Variants in TEX11 observed in about 807,000 individuals in gnomAD.
TEX11 encodes testis expressed 11.
Under a neutral mutation model 84.4 loss-of-function variants are expected in TEX11, and 7 were observed. The ratio of observed to expected loss-of-function variants is 0.08; its 90% CI spans 0.05 to 0.16. The LOEUF (loss-of-function observed/expected upper bound fraction) is 0.16. Among genes scored for constraint, TEX11 ranks in the 10% least tolerant of loss-of-function variants. The pLI, the probability that TEX11 is intolerant of heterozygous loss-of-function variation, is 1.00. For synonymous variants in TEX11, 264 were observed against 222.8 expected (o/e 1.18, Z -1.64); for missense variants, 551 against 660.5 (o/e 0.83, Z 1.82).
At chrX:70,814,252 A>G (rs1339535408) in intron 8 of TEX11, among the ~76,000 whole-genome samples, 1 of 111,950 alleles carries the variant, frequency 8.9e-6, no homozygotes, top group Non-Finnish European at 1.9e-5. Context: ...ACCAAAACAG[A>G]GATACAGACC....
chrX:70,523,370 T>A, the TEX11 span, among the ~76,000 whole-genome samples: 1 of 111,644 alleles, frequency 9.0e-6, no homozygotes, highest in Admixed American at 9.5e-5. Flanking sequence ...TATGTCAGGA[T>A]GTTGAGAGAA....
chrX:70,794,466 G>A (rs1029873643), intron 9 of TEX11, among the ~76,000 whole-genome samples: 1 of 110,307 alleles, frequency 9.1e-6, no homozygotes, highest in Non-Finnish European at 1.9e-5. Flanking sequence ...GTAAACTTAG[G>A]GGGCATGTGA....
At chrX:70,851,502 G>A (rs2091508016) in intron 7 of TEX11, among the ~76,000 whole-genome samples, 1 of 111,458 alleles carries the variant, frequency 9.0e-6, no homozygotes, top group African/African-American at 3.3e-5. Flanking sequence ...TTTAGATGTA[G>A]AGAAGGTGGA....
intron 7 of TEX11, among the ~76,000 whole-genome samples, chrX:70,847,339 A>C (rs1282518140): frequency 9.0e-6 from 1 of 110,849 alleles, no homozygotes; most frequent in Admixed American, 9.7e-5. Flanking sequence ...TACTACTGAA[A>C]CTGCTTTCTA....
At chrX:70,898,226 A>C (rs1320831775) in intron 2 of TEX11, among the ~76,000 whole-genome samples, 1 of 111,989 alleles carries the variant, frequency 8.9e-6, no homozygotes, top group East Asian at 2.8e-4. Flanking sequence ...AAAATAAATA[A>C]AAATTTAAAA....
At chrX:70,598,514 T>C (rs1484395634) in intron 24 of TEX11, among the ~76,000 whole-genome samples, 3 of 112,096 alleles carry the variant, frequency 2.7e-5, no homozygotes, top group African/African-American at 9.7e-5. Flanking sequence ...CCTAGGTATA[T>C]TTCATATTGA....
intron 8 of TEX11, among the ~76,000 whole-genome samples, chrX:70,816,666 C>A (rs1164801939): frequency 9.2e-6 from 1 of 108,577 alleles, no homozygotes; most frequent in Non-Finnish European, 1.9e-5. Context: ...GAGCCAAGAT[C>A]GTGCCACTGC....
intron 25 of TEX11, among the ~76,000 whole-genome samples, chrX:70,588,932 C>CAA (rs1174379817): frequency 0.19 from 9,345 of 50,393 alleles, 547 homozygotes; most frequent in Middle Eastern, 0.32. Flanking sequence ...AACCCCAACT[C>CAA]AAAAAAAAAA....
chrX:70,758,654 C>T (rs1040931019), intron 9 of TEX11, among the ~76,000 whole-genome samples: 1 of 111,804 alleles, frequency 8.9e-6, no homozygotes, highest in African/African-American at 3.3e-5. Context: ...TAAATGCCCA[C>T]AAGAAAAAGC....
At chrX:70,706,457 T>A (rs1477038520) in intron 13 of TEX11, among the ~76,000 whole-genome samples, 1 of 110,450 alleles carries the variant, frequency 9.1e-6, no homozygotes, top group Non-Finnish European at 1.9e-5. Context: ...AAAGTATATA[T>A]AAAAAAAGAT....
intron 9 of TEX11, among the ~76,000 whole-genome samples, chrX:70,762,418 G>A (rs771126086): frequency 8.2e-4 from 91 of 111,359 alleles, no homozygotes; most frequent in African/African-American, 2.8e-3. Flanking sequence ...GCAGGGGGTC[G>A]AAGCTCCTAA....
At chrX:70,684,093 T>C (rs1378060885) in intron 13 of TEX11, among the ~76,000 whole-genome samples, 3 of 111,603 alleles carry the variant, frequency 2.7e-5, no homozygotes, top group African/African-American at 6.5e-5. Context: ...GCTAAAAAAC[T>C]GTTTCCATGG....
intron 17 of TEX11, 55 bp from the exon 18 acceptor site, chrX:70,629,790 T>C: frequency 1.2e-6 from 1 of 853,703 alleles, no homozygotes; most frequent in Non-Finnish European, 1.6e-6. Context: ...AGAAATTACA[T>C]ATCTATGGTT....
chrX:70,735,395 A>G (rs1289517723), intron 11 of TEX11, among the ~76,000 whole-genome samples: 1 of 111,934 alleles, frequency 8.9e-6, no homozygotes, highest in African/African-American at 3.2e-5. Flanking sequence ...GTAATCCATT[A>G]AAAAACTATT....
At chrX:70,782,860 G>A (rs1258040844) in intron 9 of TEX11, among the ~76,000 whole-genome samples, 1 of 110,072 alleles carries the variant, frequency 9.1e-6, no homozygotes, top group Non-Finnish European at 1.9e-5. Context: ...AAGAGACTTA[G>A]ACTCCCACAC....
chrX:70,763,320 A>T (rs2090920558), intron 9 of TEX11, among the ~76,000 whole-genome samples: 1 of 111,703 alleles, frequency 9.0e-6, no homozygotes, highest in Admixed American at 9.6e-5. Context: ...GGAGGCCATT[A>T]TTCTAAGTGA....
chrX:70,634,727 AT>A (rs201426955), intron 17 of TEX11, among the ~76,000 whole-genome samples: 14,191 of 108,043 alleles, frequency 0.13, 976 homozygotes, highest in Non-Finnish European at 0.19. Context: ...AAAAAAAAAA[AT>A]TTTCAATCCA....
chrX:70,754,484 C>A (rs1319968049), intron 9 of TEX11, among the ~76,000 whole-genome samples: 3 of 111,762 alleles, frequency 2.7e-5, no homozygotes, highest in Non-Finnish European at 5.6e-5. Flanking sequence ...GTCCCTGGCT[C>A]CCAAATGGCA....
At chrX:70,888,374 G>A (rs2091720955) in intron 2 of TEX11, among the ~76,000 whole-genome samples, 1 of 112,399 alleles carries the variant, frequency 8.9e-6, no homozygotes, top group Non-Finnish European at 1.9e-5. Context: ...TTAGCAAAGA[G>A]ATTGAAATAC....
Sources: allele counts gnomAD v4.1 joint callset (sites outside exome capture counted in the v4.1 genomes callset), GRCh38; gene constraint gnomAD v4.1.1; transcripts MANE v1.5; gene names NCBI Gene and HGNC (gene_info 2026-07-23, HGNC 2026-07-21).